Variants in SPOCK1 observed in about 807,000 individuals in gnomAD.
SPOCK1 encodes SPARC (osteonectin), cwcv and kazal like domains proteoglycan 1, also known as testican-1.
In SPOCK1, 23 loss-of-function variants were observed where a neutral mutation model predicts 55.3. The ratio of observed to expected loss-of-function variants is 0.42; its 90% confidence interval spans 0.30 to 0.59. The LOEUF (loss-of-function observed/expected upper bound fraction) is 0.59. Ranked by LOEUF, SPOCK1 falls within the 20% of genes least tolerant of loss-of-function variation. SPOCK1 has a pLI of 0.22. For synonymous variants in SPOCK1, 226 were observed against 221.0 expected (o/e 1.02, Z -0.20); for missense variants, 499 against 552.5 (o/e 0.90, Z 0.97).
intron 5 of SPOCK1, among the ~76,000 whole-genome samples, chr5:137,108,332 A>G (rs1232126186): frequency 6.6e-6 from 1 of 152,216 alleles, no homozygotes; most frequent in Non-Finnish European, 1.5e-5. Flanking sequence ...GTCTTCAGCA[A>G]TCAAAACACA....
intron 2 of SPOCK1, among the ~76,000 whole-genome samples, chr5:137,322,047 C>T (rs1757989898): frequency 6.6e-6 from 1 of 151,946 alleles, no homozygotes; most frequent in African/African-American, 2.4e-5. Context: ...AGAAAGAATG[C>T]TAAAAAACAC....
intron 2 of SPOCK1, among the ~76,000 whole-genome samples, chr5:137,270,330 T>C (rs577613063): frequency 3.0e-4 from 46 of 151,454 alleles, no homozygotes; most frequent in African/African-American, 1.1e-3. Flanking sequence ...TTTTTAAACA[T>C]AAACCCAAAT....
intron 2 of SPOCK1, among the ~76,000 whole-genome samples, chr5:137,328,148 C>A (rs1758110713): frequency 6.6e-6 from 1 of 152,154 alleles, no homozygotes; most frequent in Admixed American, 6.5e-5. Flanking sequence ...TAAATCTGTG[C>A]CAGTAAACCA....
At chr5:137,427,807 G>A (rs562906747) in intron 2 of SPOCK1, among the ~76,000 whole-genome samples, 1 of 151,984 alleles carries the variant, frequency 6.6e-6, no homozygotes, top group East Asian at 1.9e-4. Context: ...TACTCGGTAG[G>A]CTGAGGCAGG....
At chr5:137,346,848 A>C (rs191734688) in intron 2 of SPOCK1, among the ~76,000 whole-genome samples, 1 of 152,210 alleles carries the variant, frequency 6.6e-6, no homozygotes, top group Non-Finnish European at 1.5e-5. Flanking sequence ...CTGATAAAGA[A>C]GGGAACTGAG....
intron 2 of SPOCK1, among the ~76,000 whole-genome samples, chr5:137,275,938 A>T (rs73306949): frequency 2.0e-5 from 3 of 152,136 alleles, no homozygotes; most frequent in African/African-American, 7.2e-5. Context: ...ATTTCTCCTC[A>T]CAACATGGCC....
intron 3 of SPOCK1, among the ~76,000 whole-genome samples, chr5:137,212,100 A>AG (rs752586584): frequency 1.3e-5 from 2 of 152,186 alleles, no homozygotes; most frequent in Admixed American, 1.3e-4. Flanking sequence ...TGGCATCCGA[A>AG]GGGGGGTCCA....
chr5:137,001,463 T>A (rs1228877036), intron 6 of SPOCK1, among the ~76,000 whole-genome samples: 1 of 152,154 alleles, frequency 6.6e-6, no homozygotes, highest in African/African-American at 2.4e-5. Context: ...ACGGCAAAAC[T>A]GAATTCAAGC....
intron 3 of SPOCK1, among the ~76,000 whole-genome samples, chr5:137,204,066 T>C (rs1388160533): frequency 6.6e-6 from 1 of 152,168 alleles, no homozygotes; most frequent in Admixed American, 6.5e-5. Flanking sequence ...CTGCATTTGC[T>C]TGGTGGCCTT....
At chr5:136,987,664 A>G (rs926063905) in intron 8 of SPOCK1, among the ~76,000 whole-genome samples, 1 of 152,152 alleles carries the variant, frequency 6.6e-6, no homozygotes, top group South Asian at 2.1e-4. Context: ...CATAACTTAA[A>G]TACTTTCATA....
chr5:137,231,871 G>A (rs924774700), intron 3 of SPOCK1, among the ~76,000 whole-genome samples: 1 of 152,186 alleles, frequency 6.6e-6, no homozygotes, highest in African/African-American at 2.4e-5. Context: ...CCAGCATTGG[G>A]TGTTGCCACT....
intron 3 of SPOCK1, among the ~76,000 whole-genome samples, chr5:137,148,576 G>C (rs1395577736): frequency 6.6e-6 from 1 of 152,172 alleles, no homozygotes; most frequent in Non-Finnish European, 1.5e-5. Flanking sequence ...GAAGTAGAAG[G>C]AAAGGGGGAA....
intron 9 of SPOCK1, among the ~76,000 whole-genome samples, chr5:136,983,690 A>G (rs1750781431): frequency 6.6e-6 from 1 of 152,004 alleles, no homozygotes; most frequent in Non-Finnish European, 1.5e-5. Flanking sequence ...ACTACAATGC[A>G]ATAATTATAG....
intron 3 of SPOCK1, among the ~76,000 whole-genome samples, chr5:137,248,360 C>T (rs1332845296): frequency 6.6e-6 from 1 of 152,152 alleles, no homozygotes; most frequent in Non-Finnish European, 1.5e-5. Context: ...ATTTGTTGAG[C>T]ACCTTTCTGC....
At chr5:137,124,254 G>A (rs1230297973) in intron 4 of SPOCK1, among the ~76,000 whole-genome samples, 3 of 152,206 alleles carry the variant, frequency 2.0e-5, no homozygotes, top group Non-Finnish European at 4.4e-5. Context: ...CCACATGGCA[G>A]AGAGCAGCAG....
chr5:137,375,101 T>C (rs1195801907), intron 2 of SPOCK1, among the ~76,000 whole-genome samples: 1 of 152,158 alleles, frequency 6.6e-6, no homozygotes, highest in African/African-American at 2.4e-5. Flanking sequence ...AAAAAAATCA[T>C]TGGAATAAAC....
chr5:136,980,264 TC>T (rs1410110437), intron 9 of SPOCK1, among the ~76,000 whole-genome samples: 2 of 152,224 alleles, frequency 1.3e-5, no homozygotes, highest in Non-Finnish European at 2.9e-5. Flanking sequence ...TTCTAATTTT[TC>T]ACTTTAAATC....
chr5:137,103,287 G>A (rs1417084938), intron 5 of SPOCK1, among the ~76,000 whole-genome samples: 1 of 152,144 alleles, frequency 6.6e-6, no homozygotes, highest in East Asian at 1.9e-4. Flanking sequence ...CGCCGGCTTT[G>A]TTCTTCTTTT....
At chr5:137,041,156 A>G (rs149816498) in intron 6 of SPOCK1, among the ~76,000 whole-genome samples, 1 of 152,350 alleles carries the variant, frequency 6.6e-6, no homozygotes, top group African/African-American at 2.4e-5. Flanking sequence ...AAAAAAATAA[A>G]CAGATTAATG....
Sources: allele counts gnomAD v4.1 joint callset (sites outside exome capture counted in the v4.1 genomes callset), GRCh38; gene constraint gnomAD v4.1.1; transcripts MANE v1.5; gene names NCBI Gene and HGNC (gene_info 2026-07-23, HGNC 2026-07-21).